CDH17: variants seen among roughly 807,000 people sequenced by gnomAD.
The protein encoded by CDH17 is cadherin-17.
In CDH17, 67 loss-of-function variants were observed where a neutral mutation model predicts 86.3. That is an observed-to-expected ratio of 0.78 (90% CI 0.64 to 0.95). The LOEUF (loss-of-function observed/expected upper bound fraction) is 0.95, where lower values mean the gene tolerates loss of function less well. CDH17 is among the 40% of genes least tolerant of loss of function. The pLI, the probability that CDH17 is intolerant of heterozygous loss-of-function variation, is 0.00. For synonymous variants in CDH17, 367 were observed against 366.4 expected (o/e 1.00, Z -0.02); for missense variants, 993 against 1,017.6 (o/e 0.98, Z 0.33).
chr8:94,148,001 A>T (rs1812777675), intron 14 of CDH17, among the ~76,000 whole-genome samples: 1 of 152,200 alleles, frequency 6.6e-6, no homozygotes, highest in African/African-American at 2.4e-5. Flanking sequence ...ATTTCATAAA[A>T]CATTTTCTGC....
At chr8:94,131,491 C>T (rs966833821) in intron 15 of CDH17, among the ~76,000 whole-genome samples, 3 of 152,172 alleles carry the variant, frequency 2.0e-5, no homozygotes, top group Non-Finnish European at 2.9e-5. Context: ...ATCAAACACA[C>T]ATATTTAGGT....
At chr8:94,131,058 A>T (rs992082797) in intron 15 of CDH17, 66 bp from the exon 16 acceptor site, 1 of 841,450 alleles carries the variant, frequency 1.2e-6, no homozygotes, top group African/African-American at 1.7e-5. Flanking sequence ...AATAAAGCTC[A>T]TTTTGTATCA....
intron 9 of CDH17, among the ~76,000 whole-genome samples, chr8:94,168,612 A>C (rs569363365): frequency 3.9e-5 from 6 of 152,276 alleles, no homozygotes; most frequent in Admixed American, 3.9e-4. Flanking sequence ...TGGTCCACTA[A>C]AGACTCTGAA....
At chr8:94,172,691 AAC>A (rs1813292492) in intron 7 of CDH17, among the ~76,000 whole-genome samples, 1 of 152,172 alleles carries the variant, frequency 6.6e-6, no homozygotes, top group South Asian at 2.1e-4. Context: ...ATCTCCCACT[AAC>A]CCACAGCTTT....
intron 10 of CDH17, among the ~76,000 whole-genome samples, chr8:94,162,829 A>G (rs1813080684): frequency 6.6e-6 from 1 of 152,162 alleles, no homozygotes; most frequent in South Asian, 2.1e-4. Context: ...TAGATTCCAG[A>G]TGTGTGTGGA....
chr8:94,201,032 T>C (rs1813902181), intron 1 of CDH17, among the ~76,000 whole-genome samples: 1 of 152,098 alleles, frequency 6.6e-6, no homozygotes, highest in Non-Finnish European at 1.5e-5. Context: ...GAAACACAAA[T>C]ATCCTGATGA....
intron 17 of CDH17, among the ~76,000 whole-genome samples, chr8:94,129,931 G>T (rs1268103720): frequency 6.6e-6 from 1 of 152,124 alleles, no homozygotes; most frequent in African/African-American, 2.4e-5. Context: ...ATATCTCATC[G>T]TGTATTTGCA....
intron 10 of CDH17, among the ~76,000 whole-genome samples, chr8:94,162,671 A>G (rs1813078459): frequency 6.6e-6 from 1 of 152,208 alleles, no homozygotes; most frequent in African/African-American, 2.4e-5. Context: ...AGGAACTACC[A>G]CCATTGGCCT....
chr8:94,166,733 G>A (rs959309660), intron 9 of CDH17, among the ~76,000 whole-genome samples: 6 of 152,168 alleles, frequency 3.9e-5, no homozygotes, highest in East Asian at 1.9e-4. Context: ...AGTGACAGGT[G>A]CCCCTATAAG....
chr8:94,130,979 T>A lies in CDH17; in HGVS notation c.2181A>T (p.Arg727=). The A allele has an allele frequency of 6.3e-7, 1 of 1,580,184 alleles. No homozygotes were observed. The highest frequency in any genetic ancestry group is 1.1e-5 in the South Asian group (1 of 90,298). ...CAAACTCTGTGTGCCTGGTAGACAG[T>A]CGGGCATGAGTACCTGCCAGGACAG... ...EVSKINGTHA[R]LSTRHTEFEE... Residue 727 remains arginine (R), a synonymous_variant, in exon 16 of 18, where the codon CGA becomes CGT. Transcript: ENST00000027335.
At chr8:94,156,488 C>T (rs1812951002) in intron 12 of CDH17, among the ~76,000 whole-genome samples, 1 of 152,180 alleles carries the variant, frequency 6.6e-6, no homozygotes. Flanking sequence ...GCTCATGACA[C>T]ACGTTTGGCC....
At chr8:94,131,639 A>T (rs920779470) in intron 15 of CDH17, among the ~76,000 whole-genome samples, 1 of 148,422 alleles carries the variant, frequency 6.7e-6, no homozygotes, top group African/African-American at 2.5e-5. Context: ...GTTCAAAGCC[A>T]TTTTTTTTTT....
At chr8:94,172,451 T>A (rs1813287732) in intron 7 of CDH17, among the ~76,000 whole-genome samples, 1 of 152,040 alleles carries the variant, frequency 6.6e-6, no homozygotes, top group Admixed American at 6.5e-5. Context: ...TAAAAAAAAA[T>A]TAGGGGAACT....
chr8:94,147,085 C>T (rs1379451690), intron 14 of CDH17, among the ~76,000 whole-genome samples: 1 of 152,144 alleles, frequency 6.6e-6, no homozygotes, highest in East Asian at 1.9e-4. Flanking sequence ...GTTTTGGACC[C>T]TGGTTTTGAT....
At chr8:94,180,283 C>T (rs1157157150) in intron 3 of CDH17, among the ~76,000 whole-genome samples, 2 of 151,560 alleles carry the variant, frequency 1.3e-5, no homozygotes, top group African/African-American at 4.8e-5. Flanking sequence ...TCCCAGAGAC[C>T]AGTGAAACAC....
In CDH17 at chr8:94,127,970, G is replaced by A. The variant is rs1004268186; in HGVS notation, c.*270C>T. 37 of 323,330 alleles carry A rather than the reference G, an allele frequency of 1.1e-4. No homozygotes were observed. The highest frequency in any genetic ancestry group is 6.6e-4 in the African/African-American group (30 of 45,572). The allele number at this position is 323,330 out of a possible 1,614,324, so 20.0% of individuals were successfully genotyped here. Reference sequence around the variant, plus strand: ...TAGCTGGGCATGGTGGTGGGTGCCTGTAAACCCAGCTACTTAGGAAGCTGA... The same window carrying A: ...TAGCTGGGCATGGTGGTGGGTGCCTATAAACCCAGCTACTTAGGAAGCTGA... On this transcript the variant is annotated 3_prime_UTR_variant, in exon 18 of 18. Transcript: ENST00000027335.
chr8:94,197,821 ACT>A (rs1372350871), intron 1 of CDH17, among the ~76,000 whole-genome samples: 1 of 138,020 alleles, frequency 7.2e-6, no homozygotes, highest in African/African-American at 2.8e-5. Flanking sequence ...ATGGAACGAG[ACT>A]CTGTCTAAAA....
intron 7 of CDH17, 42 bp from the exon 8 acceptor site, chr8:94,171,027 A>G: frequency 6.4e-7 from 1 of 1,570,112 alleles, no homozygotes; most frequent in Non-Finnish European, 8.6e-7. Context: ...CTGTATTTGG[A>G]CTGAGAGAAC....
At chr8:94,138,775 G>A (rs1812581379) in intron 15 of CDH17, among the ~76,000 whole-genome samples, 1 of 152,156 alleles carries the variant, frequency 6.6e-6, no homozygotes, top group Non-Finnish European at 1.5e-5. Context: ...AGAATACATA[G>A]AAGGCTTCAC....
Sources: gnomAD v4.1 joint callset for allele counts (sites outside exome capture counted in the v4.1 genomes callset) on GRCh38, gnomAD v4.1.1 for gene constraint, MANE v1.5 for transcripts, NCBI Gene and HGNC (gene_info 2026-07-23, HGNC 2026-07-21) for gene names.